The following CCDC30 variants were observed in gnomAD, a reference collection of about 807,000 sequenced individuals.
The protein encoded by CCDC30 is coiled-coil domain-containing protein 30.
Under a neutral mutation model 100.2 loss-of-function variants are expected in CCDC30, and 70 were observed. The ratio of observed to expected loss-of-function variants is 0.70; its 90% CI spans 0.58 to 0.85. CCDC30 has a LOEUF of 0.85. CCDC30 is among the 40% of genes least tolerant of loss of function. The pLI is 0.00. For missense variants in CCDC30, 652 were observed against 771.2 expected, an observed-to-expected ratio of 0.85 and a Z score of 1.83; for synonymous variants, 233 against 269.5, an observed-to-expected ratio of 0.86 and a Z score of 1.33.
chr1:42,585,280 A>G (rs1321198617), intron 9 of CCDC30, among the ~76,000 whole-genome samples: 1 of 152,078 alleles, frequency 6.6e-6, no homozygotes, highest in Non-Finnish European at 1.5e-5. Context: ...TTATTTGTCA[A>G]ATAGAGATGA....
chr1:42,618,302 T>C (rs1235543505), intron 11 of CCDC30, among the ~76,000 whole-genome samples: 1 of 144,614 alleles, frequency 6.9e-6, no homozygotes, highest in Non-Finnish European at 1.5e-5. Flanking sequence ...AGTGGTGCCA[T>C]CTCAGCTCAC....
At chr1:42,488,360 C>T (rs139262362) in intron 3 of CCDC30, among the ~76,000 whole-genome samples, 1 of 152,046 alleles carries the variant, frequency 6.6e-6, no homozygotes, top group Non-Finnish European at 1.5e-5. Context: ...CTCTGTTGCC[C>T]AGATTGGAGT....
chr1:42,644,742 C>T (rs141315303), exon 14 of CCDC30: 38 of 1,613,410 alleles, frequency 2.4e-5, no homozygotes, highest in East Asian at 4.5e-5. Context: ...AAATAGTCTT[C>T]GTCTCACACA....
At chr1:42,654,581 C>G (rs1648597862), downstream of CCDC30, 1 of 152,464 alleles carries the variant, frequency 6.6e-6, no homozygotes, top group Non-Finnish European at 1.5e-5. Context: ...CCCAGCTACT[C>G]AGAAGGCTGA....
Sources: allele counts gnomAD v4.1 joint callset (sites outside exome capture counted in the v4.1 genomes callset), GRCh38; gene constraint gnomAD v4.1.1; transcripts MANE v1.5; gene names NCBI Gene and HGNC (gene_info 2026-07-23, HGNC 2026-07-21).